The following SPEF1 variants were observed in gnomAD, a reference collection of about 807,000 sequenced individuals.
The protein encoded by SPEF1 is sperm flagella and cilia-associated protein 1.
Under a neutral mutation model 31.8 loss-of-function variants are expected in SPEF1, and 30 were observed. The observed-to-expected ratio is 0.94, with a 90% CI of 0.70 to 1.28. The LOEUF (loss-of-function observed/expected upper bound fraction) is 1.28, where lower values mean the gene tolerates loss of function less well. Ranked by LOEUF, SPEF1 falls within the 50% of genes most tolerant of loss-of-function variation. SPEF1 has a pLI of 0.00. For missense variants in SPEF1, 298 were observed against 309.6 expected (o/e 0.96, Z 0.28); for synonymous variants, 126 against 130.1 (o/e 0.97, Z 0.21).
At chr20:3,778,378 G>C (rs41279398) in intron 6 of SPEF1, 43 bp downstream of exon 6, 127 of 1,613,416 alleles carry the variant, frequency 7.9e-5, no homozygotes, top group Non-Finnish European at 1.0e-4. Context: ...CCCGGCCTCT[G>C]CTGGCCGCGA....
chr20:3,779,308 A>G lies in SPEF1; in HGVS notation c.266T>C (p.Met89Thr). Residue 89 changes from methionine (M) to threonine (T), a missense_variant, in exon 3 of 7, where the codon ATG becomes ACG. By Grantham distance (81) the Met-to-Thr change is moderately conservative. Coordinates refer to ENST00000379756, the MANE Select transcript of SPEF1 (RefSeq NM_015417.5). ...RLNFSVPDDV[M>T]RKIAQCAPGV... ...TGGGGCGCACTGCGCGATCTTGCGC[A>G]TCACGTCATCCGGTACTGAAAAGTT... The G allele has an allele frequency of 6.2e-7, 1 of 1,601,156 alleles. No homozygotes were observed. The highest frequency in any genetic ancestry group is 8.5e-7 in the Non-Finnish European group (1 of 1,172,724).
chr20:3,781,309 G>A lies in SPEF1; in HGVS notation c.-22C>T, dbSNP rs1433311441. On this transcript the variant is annotated 5_prime_UTR_variant, in exon 1 of 7. Coordinates refer to ENST00000379756, the MANE Select transcript of SPEF1 (RefSeq NM_015417.5). ...CCATTGGCGTCCTCACGGCCTGGCC[G>A]CCCCAGCGGTGCCGGGTCCCGCCCC... 2 of 1,609,188 alleles carry A rather than the reference G, an allele frequency of 1.2e-6. No individual in the cohort carries two copies. The highest frequency in any genetic ancestry group is 2.2e-5 in the East Asian group (1 of 44,562).
chr20:3,778,920 C>A (rs770627089), intron 4 of SPEF1, 31 bp downstream of exon 4: 24 of 1,613,916 alleles, frequency 1.5e-5, no homozygotes, highest in Non-Finnish European at 1.9e-5. Flanking sequence ...AAGCTCCAAC[C>A]GGGAGGGAGA....
chr20:3,778,300 C>T lies in SPEF1; in HGVS notation c.623G>A (p.Arg208Lys). The change falls in exon 7 of 7, where the codon AGG becomes AAG. Residue 208 changes from arginine (R) to lysine (K), a missense_variant. By Grantham distance (26) the Arg-to-Lys change is conservative. Coordinates refer to ENST00000379756, the MANE Select transcript of SPEF1 (RefSeq NM_015417.5). ...ETVQVLQMKVRRLEHLLQLKN... is the reference protein window; with the variant it reads ...ETVQVLQMKVKRLEHLLQLKN... ...GAGCTGGAGCAGGTGCTCCAGGCGC[C>T]TTACCTTCATCTGCAGGACCTAAGC... is the stretch of plus-strand genomic sequence containing the variant. 1 of 1,612,716 alleles carries T rather than the reference C, an allele frequency of 6.2e-7. No homozygotes were observed. Among genetic ancestry groups the T allele is most frequent in the African/African-American group, 1.3e-5 (1 of 75,034 alleles).
intron 4 of SPEF1, 69 bp downstream of exon 4, chr20:3,778,882 A>T (rs2088762857): frequency 1.2e-6 from 2 of 1,610,850 alleles, no homozygotes; most frequent in African/African-American, 2.7e-5. Context: ...TTCCACTCTC[A>T]CAAGTGACAG....
rs373939998 is a variant in SPEF1, at chr20:3,779,343, C to T, written c.231G>A (p.Leu77=). ...SNWGHLNRKV[L]KRLNFSVPDD... is the part of the protein sequence containing the mutation. ...CCGGTACTGAAAAGTTCAGCCTCTT[C>T]AGTACCTTCCTGAGGGGTAGACATT... The change falls in exon 3 of 7, where the codon CTG becomes CTA. Residue 77 remains leucine, a synonymous_variant. Coordinates refer to ENST00000379756, the MANE Select transcript of SPEF1 (RefSeq NM_015417.5). 2.5e-6 allele frequency: 4 copies of T among 1,594,278 alleles called. No individual in the cohort carries two copies. The highest frequency in any genetic ancestry group is 2.6e-6 in the Non-Finnish European group (3 of 1,166,148).
In SPEF1 at chr20:3,778,416, C is replaced by G. The variant is rs3107310; in HGVS notation, c.603+5G>C. Reference sequence around the variant, plus strand: ...CCCCACCCGCAGCCTTCCTAGACCCCTCACCTGCACGGTCTCTTGAGAGGC... The same window carrying G: ...CCCCACCCGCAGCCTTCCTAGACCCGTCACCTGCACGGTCTCTTGAGAGGC... On this transcript the variant is annotated splice_donor_5th_base_variant and intron_variant, in intron 6 of 6. Coordinates refer to ENST00000379756, the MANE Select transcript of SPEF1 (RefSeq NM_015417.5). The G allele has an allele frequency of 6.2e-7, 1 of 1,614,000 alleles. No individual in the cohort carries two copies. The highest frequency in any genetic ancestry group is 1.7e-4 in the Middle Eastern group (1 of 6,060).
At position 3,779,265 on chromosome 20, in the gene SPEF1, C is replaced by G; in HGVS notation, c.309G>C (p.Val103=). The change falls in exon 3 of 7, where the codon GTG becomes GTC. Residue 103 remains valine (V), a synonymous_variant. Coordinates refer to ENST00000379756, the MANE Select transcript of SPEF1 (RefSeq NM_015417.5). Reference sequence around the variant, plus strand: ...CCAGGCGCTGCCTCAGCGGGATGAGCACCAGCTCCACCACGCCTGGGGCGC... The same window carrying G: ...CCAGGCGCTGCCTCAGCGGGATGAGGACCAGCTCCACCACGCCTGGGGCGC... The part of the protein sequence containing the change: ...AQCAPGVVEL[V]LIPLRQRLEE... 6.3e-7 allele frequency: 1 copy of G among 1,596,604 alleles called. No individual in the cohort carries two copies. Among genetic ancestry groups the G allele is most frequent in the Non-Finnish European group, 8.5e-7 (1 of 1,170,912 alleles).
At position 3,778,604 on chromosome 20, in the gene SPEF1, G is replaced by GAA. The variant is rs555202026; in HGVS notation, c.480-61_480-60insTT. ...CTCGGGCCCTACACTCACCCTTCCA[G>GAA]GGCCCTCGACCAGGCCTTCCCTTCT... is the stretch of plus-strand genomic sequence containing the variant. On this transcript the variant is annotated intron_variant, in intron 5 of 6. Transcript: ENST00000379756. 10,003 of 1,570,632 alleles carry GAA rather than the reference G, an allele frequency of 6.4e-3. 507 individuals are homozygous for GAA. In the African/African-American group the frequency reaches 0.12, roughly 18 times the overall value.
chr20:3,780,651 T>C (rs1322417204), intron 1 of SPEF1, among the ~76,000 whole-genome samples: 14 of 152,068 alleles, frequency 9.2e-5, no homozygotes, highest in Admixed American at 5.9e-4. Flanking sequence ...TCCCCAAATA[T>C]ACAGATACAG....
At chr20:3,779,583 C>A in intron 2 of SPEF1, 81 bp downstream of exon 2, 1 of 1,097,358 alleles carries the variant, frequency 9.1e-7, no homozygotes, top group South Asian at 1.3e-5. Context: ...CGTTGACCCT[C>A]CCCACCCTGC....
chr20:3,777,961 G>A lies in SPEF1; in HGVS notation c.*251C>T. ...ACGTGGCTTCTGGGCTCTGGAAAGC[G>A]GTCCATTCTCCTGACCCGGATCTCC... On this transcript the variant is annotated 3_prime_UTR_variant, in exon 7 of 7. Transcript: ENST00000379756. This position sits in a 1 kb window ranked among gnomAD's most constrained non-coding sequence, Gnocchi z 4.1. 2 of 477,932 alleles carry A rather than the reference G, an allele frequency of 4.2e-6. No homozygotes were observed. Among genetic ancestry groups the A allele is most frequent in the Non-Finnish European group, 7.5e-6 (2 of 268,150 alleles). The allele number at this position is 477,932 out of a possible 1,614,324, so 29.6% of individuals were successfully genotyped here.
Position 3,781,313 on chromosome 20 carries a change from C to T in SPEF1, c.-26G>A, listed in dbSNP as rs2088778302. On this transcript the variant is annotated 5_prime_UTR_variant, in exon 1 of 7. Transcript: ENST00000379756. ...TGGCGTCCTCACGGCCTGGCCGCCCCAGCGGTGCCGGGTCCCGCCCCAGCC... is the reference window on the plus strand; with the variant it reads ...TGGCGTCCTCACGGCCTGGCCGCCCTAGCGGTGCCGGGTCCCGCCCCAGCC... The T allele has an allele frequency of 3.1e-6, 5 of 1,607,972 alleles. No individual in the cohort carries two copies. The highest frequency in any genetic ancestry group is 1.3e-5 in the African/African-American group (1 of 74,770).
At chr20:3,779,836 A>T in intron 1 of SPEF1, 61 bp from the exon 2 acceptor site, 10 of 382,024 alleles carry the variant, frequency 2.6e-5, no homozygotes, top group East Asian at 1.4e-4. Flanking sequence ...AGGAGGTGAG[A>T]GAAGGTGGGG....
chr20:3,778,965 C>T lies in SPEF1; in HGVS notation c.404G>A (p.Gly135Asp). The T allele has an allele frequency of 6.2e-7, 1 of 1,614,220 alleles. No homozygotes were observed. Among genetic ancestry groups the T allele is most frequent in the Non-Finnish European group, 8.5e-7 (1 of 1,180,022 alleles). ...LQELAPQDGS[G>D]YMDVGVSQKA... ...GGCCACCTTACCCACATCCATGTAGCCACTGCCATCCTGGGGAGCCAGCTC... is the reference window on the plus strand; with the variant it reads ...GGCCACCTTACCCACATCCATGTAGTCACTGCCATCCTGGGGAGCCAGCTC... The change falls in exon 4 of 7, where the codon GGC becomes GAC. Residue 135 changes from glycine (G) to aspartate (D), a missense_variant. Gly to Asp is a moderately conservative substitution (Grantham distance 94, BLOSUM62 -1). Coordinates refer to ENST00000379756, the MANE Select transcript of SPEF1 (RefSeq NM_015417.5).
Position 3,779,492 on chromosome 20 carries a change from C to T in SPEF1, c.222-140G>A. 4.4e-6 allele frequency: 4 copies of T among 900,198 alleles called. No homozygotes were observed. In the South Asian group the frequency reaches 6.4e-5, roughly 14 times the overall value. 55.8% of individuals were successfully genotyped at this position (900,198 alleles called of 1,614,324 possible). On this transcript the variant is annotated intron_variant, in intron 2 of 6. Transcript: ENST00000379756. ...TGAAAGCGCATCGCATCTGAGCTTC[C>T]TTGTGTGGGTGTTCCGAGGTTCCTT...
chr20:3,778,133 A>G lies in SPEF1; in HGVS notation c.*79T>C, dbSNP rs2088755849. 3 of 1,033,092 alleles carry G rather than the reference A, an allele frequency of 2.9e-6. No individual in the cohort carries two copies. The highest frequency in any genetic ancestry group is 2.8e-6 in the Non-Finnish European group (2 of 722,614). The allele number at this position is 1,033,092 out of a possible 1,614,324, so 64.0% of individuals were successfully genotyped here. ...GCGGGCTCCGCCCTCCCAATGGTCT[A>G]TCCATCGGTGGGTGGGTCCGGCGCG... On this transcript the variant is annotated 3_prime_UTR_variant, in exon 7 of 7. Transcript: ENST00000379756.
intron 4 of SPEF1, 25 bp from the exon 5 acceptor site, chr20:3,778,831 G>T: frequency 6.2e-7 from 1 of 1,613,386 alleles, no homozygotes; most frequent in South Asian, 1.1e-5. Flanking sequence ...GTGGAGGAAT[G>T]ACTGTGCTGG....
At position 3,778,809 on chromosome 20, in the gene SPEF1, G is replaced by A; in HGVS notation, c.419-3C>T. The A allele has an allele frequency of 6.2e-7, 1 of 1,614,034 alleles. No homozygotes were observed. Among genetic ancestry groups the A allele is most frequent in the Non-Finnish European group, 8.5e-7 (1 of 1,179,980 alleles). ...ACCTCGGGCCTTCTGGGATACACCTGAGACAAGGCAAGTGGAGGAATGACT... is the reference window on the plus strand; with the variant it reads ...ACCTCGGGCCTTCTGGGATACACCTAAGACAAGGCAAGTGGAGGAATGACT... On this transcript the variant is annotated splice_polypyrimidine_tract_variant and splice_region_variant and intron_variant, in intron 4 of 6. Transcript: ENST00000379756.
Sources: allele counts gnomAD v4.1 joint callset (sites outside exome capture counted in the v4.1 genomes callset), GRCh38; gene constraint gnomAD v4.1.1; non-coding constraint Gnocchi (gnomAD v3.1); transcripts MANE v1.5; gene names NCBI Gene and HGNC (gene_info 2026-07-23, HGNC 2026-07-21).